Variants in FBXW11 observed in about 807,000 individuals in gnomAD.
FBXW11 encodes F-box/WD repeat-containing protein 11.
FBXW11 carries 19 observed loss-of-function variants against 77.6 expected under a neutral mutation model. That is an observed-to-expected ratio of 0.24 (90% confidence interval 0.17 to 0.36). The LOEUF (loss-of-function observed/expected upper bound fraction) is 0.36, where lower values mean the gene tolerates loss of function less well. Among genes scored for constraint, FBXW11 ranks in the 10% least tolerant of loss-of-function variants. FBXW11 has a pLI of 1.00. For synonymous variants in FBXW11, 235 were observed against 249.4 expected, an observed-to-expected ratio of 0.94 and a Z score of 0.54; for missense variants, 334 against 704.2, an observed-to-expected ratio of 0.47 and a Z score of 5.95.
chr5:171,980,313 C>G (rs1056316390), intron 1 of FBXW11, among the ~76,000 whole-genome samples: 1 of 152,036 alleles, frequency 6.6e-6, no homozygotes, highest in Admixed American at 6.6e-5. Flanking sequence ...ATAAAATTAC[C>G]TTGAAGACCT....
intron 2 of FBXW11, among the ~76,000 whole-genome samples, chr5:171,945,342 T>C (rs1420418): frequency 0.79 from 120,633 of 152,168 alleles, 51,404 homozygotes; most frequent in East Asian, 0.97. Context: ...AAATCATCCC[T>C]ATGAAAATAG....
At chr5:171,891,051 A>C (rs1759313700) in intron 7 of FBXW11, among the ~76,000 whole-genome samples, 1 of 152,228 alleles carries the variant, frequency 6.6e-6, no homozygotes, top group Admixed American at 6.5e-5. Context: ...AATCCAGTTT[A>C]TCTACTACTG....
At chr5:171,992,319 C>T (rs111539209) in intron 1 of FBXW11, among the ~76,000 whole-genome samples, 3,659 of 150,010 alleles carry the variant, frequency 0.024, 140 homozygotes, top group African/African-American at 0.083. Context: ...TCCCAGCTAC[C>T]AGGAGGCTGA....
intron 1 of FBXW11, chr5:171,977,670 G>C (rs766734249): frequency 2.2e-6 from 1 of 449,950 alleles, no homozygotes; most frequent in African/African-American, 2.0e-5. Context: ...CATAATCATG[G>C]CAGAAAGCAA....
At chr5:171,936,564 C>T (rs561713982) in intron 2 of FBXW11, among the ~76,000 whole-genome samples, 24 of 144,470 alleles carry the variant, frequency 1.7e-4, no homozygotes, top group African/African-American at 2.8e-4. Flanking sequence ...AACAAAAATA[C>T]AAACCTCTCT....
Position 171,912,174 on chromosome 5 carries a change from C to CA in FBXW11, c.211-1378dup, listed in dbSNP as rs1217634403. 5.3e-5 allele frequency among the ~76,000 whole-genome samples: 8 copies of CA among 152,250 alleles called. No individual in the cohort carries two copies. In the South Asian group the frequency reaches 1.2e-3, roughly 24 times the overall value. ...AAGGAGTCTTCAGTTTTCCTTCACA[C>CA]AAAATCTTGTCTGAAGTTCTTATGT... On this transcript the variant is annotated intron_variant, in intron 3 of 13. Transcript: ENST00000517395.
chr5:171,920,119 C>T (rs1259849472), intron 2 of FBXW11, among the ~76,000 whole-genome samples: 2 of 152,094 alleles, frequency 1.3e-5, no homozygotes, highest in East Asian at 3.9e-4. Flanking sequence ...GCGAAGATCG[C>T]ACCACTGCAC....
intron 2 of FBXW11, among the ~76,000 whole-genome samples, chr5:171,930,773 A>AG (rs1387674146): frequency 6.7e-6 from 1 of 149,852 alleles, no homozygotes; most frequent in Non-Finnish European, 1.5e-5. Context: ...AAAAAAAAAA[A>AG]AAAGAAAAAC....
At chr5:172,006,330 G>C (rs745882761) in intron 1 of FBXW11, 128 bp downstream of exon 1, 1 of 766,192 alleles carries the variant, frequency 1.3e-6, no homozygotes, top group Non-Finnish European at 1.9e-6. Context: ...AGGGAAGGCT[G>C]GGGGCCCGGG....
chr5:171,956,350 T>C (rs1763612341), intron 2 of FBXW11, among the ~76,000 whole-genome samples: 1 of 152,196 alleles, frequency 6.6e-6, no homozygotes, highest in African/African-American at 2.4e-5. Context: ...ACACTGAGCC[T>C]CACTGAAGCA....
intron 2 of FBXW11, among the ~76,000 whole-genome samples, 165 bp downstream of exon 2, chr5:171,957,432 C>G (rs1472721905): frequency 6.6e-6 from 1 of 152,194 alleles, no homozygotes; most frequent in African/African-American, 2.4e-5. Context: ...AAGGGCCCCT[C>G]TTGGTACTAA....
At chr5:171,898,772 T>G (rs540851050) in intron 6 of FBXW11, among the ~76,000 whole-genome samples, 1 of 152,340 alleles carries the variant, frequency 6.6e-6, no homozygotes, top group Non-Finnish European at 1.5e-5. Flanking sequence ...CCGGCAGCCT[T>G]GCAGAAGCAT....
At chr5:171,967,830 ACT>A (rs1263910723) in intron 1 of FBXW11, among the ~76,000 whole-genome samples, 1 of 141,466 alleles carries the variant, frequency 7.1e-6, no homozygotes, top group Non-Finnish European at 1.5e-5. Context: ...CAAGAGCGAG[ACT>A]CTGTCTCAAA....
chr5:171,876,640 C>G lies in FBXW11; in HGVS notation c.972-106G>C. ...CTGCAATGGTTTGGATATAGTTTGT[C>G]TGACTCTACCAAATCTCATGTTGAA... is the stretch of plus-strand genomic sequence containing the variant. On this transcript the variant is annotated intron_variant, in intron 8 of 13. Coordinates refer to ENST00000517395, the MANE Select transcript of FBXW11 (RefSeq NM_001378974.1). This position sits in a 1 kb window ranked among gnomAD's most constrained non-coding sequence, Gnocchi z 4.2. The G allele has an allele frequency of 7.2e-7, 1 of 1,379,754 alleles. No homozygotes were observed. Among genetic ancestry groups the G allele is most frequent in the African/African-American group, 1.4e-5 (1 of 69,696 alleles). 85.5% of individuals were successfully genotyped at this position (1,379,754 alleles called of 1,614,324 possible). A position where few individuals can be genotyped will look rare whatever the true frequency, so the allele number is the denominator to read the frequency against.
At chr5:171,907,282 C>T (rs1421958861) in intron 4 of FBXW11, among the ~76,000 whole-genome samples, 1 of 152,126 alleles carries the variant, frequency 6.6e-6, no homozygotes, top group African/African-American at 2.4e-5. Flanking sequence ...ATAATTTTTA[C>T]AGAATTAATG....
At chr5:171,934,460 T>C (rs1762369079) in intron 2 of FBXW11, among the ~76,000 whole-genome samples, 1 of 152,048 alleles carries the variant, frequency 6.6e-6, no homozygotes, top group South Asian at 2.1e-4. Context: ...TGCAGATCAC[T>C]TGAGGCCAGG....
chr5:171,898,123 T>C (rs1228020115), intron 6 of FBXW11, among the ~76,000 whole-genome samples: 18 of 152,230 alleles, frequency 1.2e-4, no homozygotes, highest in Admixed American at 1.1e-3. Context: ...ATGATTCCAT[T>C]ATTCACATCT....
At chr5:171,885,655 A>G (rs1323413239) in intron 7 of FBXW11, among the ~76,000 whole-genome samples, 2 of 152,216 alleles carry the variant, frequency 1.3e-5, no homozygotes, top group African/African-American at 4.8e-5. Context: ...TCCCAAGTTA[A>G]CAATATTGTT....
intron 4 of FBXW11, among the ~76,000 whole-genome samples, chr5:171,906,129 C>T (rs1209725402): frequency 6.6e-6 from 1 of 152,232 alleles, no homozygotes; most frequent in Non-Finnish European, 1.5e-5. Context: ...CCAGTTTTAA[C>T]ACAGCTGCTT....
Sources: gnomAD v4.1 joint callset for allele counts (sites outside exome capture counted in the v4.1 genomes callset) on GRCh38, gnomAD v4.1.1 for gene constraint, Gnocchi (gnomAD v3.1) non-coding constraint, MANE v1.5 for transcripts, NCBI Gene and HGNC (gene_info 2026-07-23, HGNC 2026-07-21) for gene names.